The following SRD5A2 variants were observed in gnomAD, a reference collection of about 807,000 sequenced individuals.
SRD5A2 encodes the protein 3-oxo-5-alpha-steroid 4-dehydrogenase 2.
In SRD5A2, 30 loss-of-function variants were observed where a neutral mutation model predicts 27.4. The observed-to-expected ratio is 1.10, with a 90% CI of 0.82 to 1.49. The LOEUF (loss-of-function observed/expected upper bound fraction) is 1.49. Among genes scored for constraint, SRD5A2 ranks in the 40% most tolerant of loss-of-function variants. SRD5A2 has a pLI of 0.00. For synonymous variants in SRD5A2, 141 were observed against 133.6 expected (o/e 1.06, Z -0.38); for missense variants, 348 against 323.4 (o/e 1.08, Z -0.58).
chr2:31,533,856 GT>G (rs1332308527), intron 1 of SRD5A2, 90 bp from the exon 2 acceptor site: 75 of 1,410,164 alleles, frequency 5.3e-5, no homozygotes, highest in Non-Finnish European at 1.2e-5. Context: ...ACACCAGAAG[GT>G]ACAAAAACCA....
chr2:31,637,351 A>C, the SRD5A2 span, among the ~76,000 whole-genome samples: 1 of 152,028 alleles, frequency 6.6e-6, no homozygotes, highest in Non-Finnish European at 1.5e-5. Flanking sequence ...TCTTCTGAGC[A>C]CTGGTCATGA....
At chr2:31,529,693 C>T (rs1048434633) in intron 3 of SRD5A2, among the ~76,000 whole-genome samples, 2 of 152,134 alleles carry the variant, frequency 1.3e-5, no homozygotes, top group East Asian at 1.9e-4. Context: ...AACTGCTTAA[C>T]GGGCTCTATC....
At chr2:31,549,387 C>G (rs1050141811) in intron 1 of SRD5A2, among the ~76,000 whole-genome samples, 1 of 151,908 alleles carries the variant, frequency 6.6e-6, no homozygotes, top group Non-Finnish European at 1.5e-5. Flanking sequence ...GCTGGGATTA[C>G]AGGCGTGAAT....
At chr2:31,651,019 T>C in the SRD5A2 span, among the ~76,000 whole-genome samples, 1 of 152,232 alleles carries the variant, frequency 6.6e-6, no homozygotes, top group South Asian at 2.1e-4. Flanking sequence ...ACCTGCCTTC[T>C]GCAGGCCAAT....
chr2:31,531,578 A>AAAATGAAGGGAAGGGC, intron 2 of SRD5A2, 106 bp from the exon 3 acceptor site: 28 of 743,400 alleles, frequency 3.8e-5, no homozygotes, highest in South Asian at 8.6e-5. Context: ...TTAATTTCTA[A>AAAATGAAGGGAAGGGC]ATCTAAGAAT....
chr2:31,653,719 G>C, the SRD5A2 span, among the ~76,000 whole-genome samples: 107 of 152,234 alleles, frequency 7.0e-4, no homozygotes, highest in African/African-American at 2.4e-3. Context: ...GAGTGCAACA[G>C]TGCGATCTCA....
the SRD5A2 span, among the ~76,000 whole-genome samples, chr2:31,660,413 C>T: frequency 6.6e-6 from 1 of 152,072 alleles, no homozygotes; most frequent in Non-Finnish European, 1.5e-5. Flanking sequence ...AAAGATACAC[C>T]TCTAGGGATA....
At chr2:31,547,976 C>G (rs28745287) in intron 1 of SRD5A2, among the ~76,000 whole-genome samples, 2,136 of 152,220 alleles carry the variant, frequency 0.014, 61 homozygotes, top group African/African-American at 0.048. Context: ...AAACAGATGT[C>G]AAGACCATTC....
chr2:31,526,357 C>A (rs1665781921), intron 4 of SRD5A2, 95 bp from the exon 5 acceptor site: 1 of 809,738 alleles, frequency 1.2e-6, no homozygotes, highest in Non-Finnish European at 2.1e-6. Flanking sequence ...AGTCAACCTA[C>A]AGTTATTTTG....
chr2:31,577,479 A>G (rs1198025902), intron 1 of SRD5A2, among the ~76,000 whole-genome samples: 3 of 152,230 alleles, frequency 2.0e-5, no homozygotes, highest in Non-Finnish European at 4.4e-5. Flanking sequence ...CAATGGGGAT[A>G]CAGCCATAAA....
At chr2:31,648,913 G>A in the SRD5A2 span, among the ~76,000 whole-genome samples, 1 of 152,166 alleles carries the variant, frequency 6.6e-6, no homozygotes, top group African/African-American at 2.4e-5. Flanking sequence ...CAGTTGCCAG[G>A]CACCTGCATT....
At chr2:31,577,245 A>T (rs1387678256) in intron 1 of SRD5A2, among the ~76,000 whole-genome samples, 1 of 148,146 alleles carries the variant, frequency 6.8e-6, no homozygotes, top group African/African-American at 2.5e-5. Context: ...GTGCTTAGGC[A>T]GCAGTCATTT....
At position 31,523,829 on chromosome 2, in the gene SRD5A2, A is replaced by G. The variant is rs1447155918; in HGVS notation, c.*2367T>C. ...TGTATTTAATCCACATACATATCCT[A>G]GCCCTAAACAATGACAAACTGTCAT... On this transcript the variant is annotated 3_prime_UTR_variant, in exon 5 of 5. Transcript: ENST00000622030. 1 of 220,204 alleles carries G rather than the reference A, an allele frequency of 4.5e-6. No individual in the cohort carries two copies. Among genetic ancestry groups the G allele is most frequent in the Non-Finnish European group, 9.1e-6 (1 of 109,908 alleles). 13.6% of individuals were successfully genotyped at this position (220,204 alleles called of 1,614,324 possible). A position where few individuals can be genotyped will look rare whatever the true frequency, so the allele number is the denominator to read the frequency against.
chr2:31,553,258 A>C (rs1478576360), intron 1 of SRD5A2, among the ~76,000 whole-genome samples: 4 of 152,192 alleles, frequency 2.6e-5, no homozygotes, highest in Admixed American at 2.6e-4. Context: ...GAAAGAGTTA[A>C]GAAAGCCTAA....
chr2:31,557,742 C>T (rs1461293187), intron 1 of SRD5A2, among the ~76,000 whole-genome samples: 1 of 152,184 alleles, frequency 6.6e-6, no homozygotes, highest in South Asian at 2.1e-4. Flanking sequence ...ACCCTGGGGG[C>T]TCTTGATTTT....
intron 1 of SRD5A2, among the ~76,000 whole-genome samples, chr2:31,576,083 T>C (rs927224277): frequency 7.3e-5 from 11 of 150,160 alleles, no homozygotes; most frequent in Non-Finnish European, 8.9e-5. Flanking sequence ...GACATAGGCG[T>C]GGGCAAGGAC....
At chr2:31,614,743 A>C in the SRD5A2 span, among the ~76,000 whole-genome samples, 15 of 152,270 alleles carry the variant, frequency 9.9e-5, no homozygotes, top group East Asian at 2.7e-3. Context: ...TCTAGGCGGA[A>C]GTTCCAAAAC....
upstream of SRD5A2, among the ~76,000 whole-genome samples, chr2:31,583,400 T>C (rs1001845883): frequency 1.4e-4 from 21 of 152,190 alleles, no homozygotes; most frequent in African/African-American, 4.8e-4. Context: ...TAAAGTTACA[T>C]GGTAAAGGGC....
At chr2:31,653,044 G>C in the SRD5A2 span, among the ~76,000 whole-genome samples, 2 of 152,130 alleles carry the variant, frequency 1.3e-5, no homozygotes, top group South Asian at 4.1e-4. Context: ...AAGAGCACCA[G>C]TTGATTCCAG....
Sources: gnomAD v4.1 joint callset for allele counts (sites outside exome capture counted in the v4.1 genomes callset) on GRCh38, gnomAD v4.1.1 for gene constraint, MANE v1.5 for transcripts, NCBI Gene and HGNC (gene_info 2026-07-23, HGNC 2026-07-21) for gene names.